The following ATP5PO variants were observed in gnomAD, a reference collection of about 807,000 sequenced individuals.
The protein encoded by ATP5PO is ATP synthase peripheral stalk subunit OSCP.
ATP5PO carries 14 observed loss-of-function variants against 26.2 expected under a neutral mutation model. That is an observed-to-expected ratio of 0.53 (90% CI 0.35 to 0.83). The LOEUF (loss-of-function observed/expected upper bound fraction) is 0.83, where lower values mean the gene tolerates loss of function less well. ATP5PO is among the 40% of genes least tolerant of loss of function. The pLI is 0.01. For synonymous variants in ATP5PO, 106 were observed against 95.1 expected, an observed-to-expected ratio of 1.12 and a Z score of -0.67; for missense variants, 241 against 258.5, an observed-to-expected ratio of 0.93 and a Z score of 0.46.
In ATP5PO at chr21:33,911,673, T is replaced by TG. The variant is rs1322333992; in HGVS notation, c.198+615_198+616insC. On this transcript the variant is annotated intron_variant, in intron 3 of 6. Coordinates refer to ENST00000290299, the MANE Select transcript of ATP5PO (RefSeq NM_001697.3). ...GCCCATAAGCATAGGTTTTTTTTTT[T>TG]TTTTTTTTTTTTTGAGACGGAGTCT... 1.8e-3 allele frequency among the ~76,000 whole-genome samples: 261 copies of TG among 145,470 alleles called. 1 individual carries two copies. The highest frequency in any genetic ancestry group is 6.3e-3 in the African/African-American group (248 of 39,406).
At chr21:33,914,561 C>G (rs1187074052) in intron 1 of ATP5PO, 61 bp from the exon 2 acceptor site, 27 of 1,506,214 alleles carry the variant, frequency 1.8e-5, no homozygotes, top group Non-Finnish European at 1.5e-5. Context: ...CTGCATTTAA[C>G]TCAATAACAA....
At position 33,915,785 on chromosome 21, in the gene ATP5PO, TC is replaced by T; in HGVS notation, c.-23del. On this transcript the variant is annotated 5_prime_UTR_variant, in exon 1 of 7. Coordinates refer to ENST00000290299, the MANE Select transcript of ATP5PO (RefSeq NM_001697.3). ...CCATCTTCTCCCGGGCGGCTGTAGG[TC>T]AAACCCGAGTGGGAAGAGAGAAACG... is the stretch of plus-strand genomic sequence containing the variant. The T allele has an allele frequency of 6.4e-7, 1 of 1,561,726 alleles. No individual in the cohort carries two copies.
chr21:33,904,098 A>C, intron 5 of ATP5PO, 77 bp from the exon 6 acceptor site: 1 of 1,314,236 alleles, frequency 7.6e-7, no homozygotes. Flanking sequence ...CCAGGCCCAC[A>C]TCACCAAGAC....
intron 4 of ATP5PO, among the ~76,000 whole-genome samples, chr21:33,908,103 G>C (rs1345810978): frequency 6.6e-6 from 1 of 150,640 alleles, no homozygotes; most frequent in African/African-American, 2.4e-5. Flanking sequence ...AGGAGGCAGA[G>C]GTTGCAGTGA....
chr21:33,909,924 C>G (rs1239295245), intron 3 of ATP5PO, among the ~76,000 whole-genome samples: 1 of 152,206 alleles, frequency 6.6e-6, no homozygotes, highest in African/African-American at 2.4e-5. Flanking sequence ...CCGCACCGCT[C>G]CCTTGGAGGG....
Position 33,912,345 on chromosome 21 carries a change from C to CATCAAA in ATP5PO, c.141_142insTTTGAT (p.Ser47_Ala48insPheAsp). The CATCAAA allele has an allele frequency of 6.2e-7, 1 of 1,613,270 alleles. No individual in the cohort carries two copies. The highest frequency in any genetic ancestry group is 8.5e-7 in the Non-Finnish European group (1 of 1,179,628). ...TCCAGCTTATTCTGTTTTGATGCAGCAGAATAAAGAGCTGTGGCATAGCGA... is the reference window on the plus strand; with the variant it reads ...TCCAGCTTATTCTGTTTTGATGCAGCATCAAAAGAATAAAGAGCTGTGGCATAGCGA... On this transcript the variant is annotated inframe_insertion, in exon 3 of 7. Transcript: ENST00000290299.
At position 33,914,585 on chromosome 21, in the gene ATP5PO, A is replaced by C; in HGVS notation, c.37-85T>G. 21 of 1,261,918 alleles carry C rather than the reference A, an allele frequency of 1.7e-5. No individual in the cohort carries two copies. In the South Asian group the frequency reaches 2.7e-4, roughly 16 times the overall value. 78.2% of individuals were successfully genotyped at this position (1,261,918 alleles called of 1,614,324 possible). A position where few individuals can be genotyped will look rare whatever the true frequency, so the allele number is the denominator to read the frequency against. On this transcript the variant is annotated intron_variant, in intron 1 of 6. Transcript: ENST00000290299. ...ACTCAATAACAACAAAAAATTTTAA[A>C]TAACCTTAAAATCATTACTTTTGTC...
intron 2 of ATP5PO, among the ~76,000 whole-genome samples, chr21:33,913,797 C>T (rs1267098353): frequency 6.7e-5 from 10 of 149,196 alleles, no homozygotes; most frequent in African/African-American, 1.2e-4. Flanking sequence ...TTTTTTTTTT[C>T]GAGACAGAGT....
intron 4 of ATP5PO, among the ~76,000 whole-genome samples, chr21:33,907,723 G>A (rs1987192194): frequency 6.6e-6 from 1 of 152,218 alleles, no homozygotes; most frequent in South Asian, 2.1e-4. Context: ...CTACTCAGGA[G>A]GCTGAGGCAG....
intron 5 of ATP5PO, among the ~76,000 whole-genome samples, chr21:33,906,292 G>A (rs1987171898): frequency 6.6e-6 from 1 of 152,168 alleles, no homozygotes; most frequent in Admixed American, 6.5e-5. Context: ...CTGTTTTCCT[G>A]TAGGGTAAGC....
At chr21:33,911,666 T>TG (rs1305473632) in intron 3 of ATP5PO, among the ~76,000 whole-genome samples, 2 of 135,338 alleles carry the variant, frequency 1.5e-5, no homozygotes, top group Admixed American at 1.5e-4. Flanking sequence ...GCATAGGTTT[T>TG]TTTTTTTTTT....
At position 33,906,305 on chromosome 21, in the gene ATP5PO, C is replaced by T. The variant is rs141559614; in HGVS notation, c.441+1036G>A. 1,296 of 221,022 alleles carry T rather than the reference C, an allele frequency of 5.9e-3. 8 individuals are homozygous for T. The highest frequency in any genetic ancestry group is 8.0e-3 in the Non-Finnish European group (875 of 109,902). The allele number at this position is 221,022 out of a possible 1,614,324, so 13.7% of individuals were successfully genotyped here. On this transcript the variant is annotated intron_variant, in intron 5 of 6. Coordinates refer to ENST00000290299, the MANE Select transcript of ATP5PO (RefSeq NM_001697.3). ...CCCTGTTTTCCTGTAGGGTAAGCTACACTACATTTGACTGAGTTACATAGG... is the reference window on the plus strand; with the variant it reads ...CCCTGTTTTCCTGTAGGGTAAGCTATACTACATTTGACTGAGTTACATAGG...
chr21:33,912,188 T>A, intron 3 of ATP5PO, 101 bp downstream of exon 3: 1 of 934,212 alleles, frequency 1.1e-6, no homozygotes, highest in Non-Finnish European at 1.5e-6. Context: ...TTTTTCCCAG[T>A]TTTTTCTTGT....
At chr21:33,904,221 A>T in intron 5 of ATP5PO, among the ~76,000 whole-genome samples, 200 bp from the exon 6 acceptor site, 1 of 152,226 alleles carries the variant, frequency 6.6e-6, no homozygotes, top group East Asian at 1.9e-4. Context: ...CCTGCCTCAC[A>T]GCATCACCCG....
chr21:33,903,470 T>C lies in ATP5PO; in HGVS notation c.*56A>G. On this transcript the variant is annotated 3_prime_UTR_variant, in exon 7 of 7. Coordinates refer to ENST00000290299, the MANE Select transcript of ATP5PO (RefSeq NM_001697.3). ...ACATAATATGATCTGTTCTGGAAGCTTTTTATTGTTGCTCCAAGTTTAAGA... is the reference window on the plus strand; with the variant it reads ...ACATAATATGATCTGTTCTGGAAGCCTTTTATTGTTGCTCCAAGTTTAAGA... The C allele has an allele frequency of 6.8e-7, 1 of 1,478,574 alleles. No individual in the cohort carries two copies. The highest frequency in any genetic ancestry group is 2.3e-5 in the East Asian group (1 of 44,028). The allele number at this position is 1,478,574 out of a possible 1,614,324, so 91.6% of individuals were successfully genotyped here.
At position 33,912,354 on chromosome 21, in the gene ATP5PO, G is replaced by T. The variant is rs1350834987; in HGVS notation, c.133C>A (p.Leu45Ile). The T allele has an allele frequency of 6.2e-7, 1 of 1,613,302 alleles. No homozygotes were observed. The highest frequency in any genetic ancestry group is 1.7e-5 in the Admixed American group (1 of 59,984). The change falls in exon 3 of 7, where the codon CTT becomes ATT. Residue 45 changes from leucine (L) to isoleucine (I), a missense_variant. This residue lies in a region of ATP5PO where 125 missense variants were observed against 108.5 expected (regional missense o/e 1.15). Transcript: ENST00000290299. ...YGIEGRYATA[L>I]YSAASKQNKL... ...TTCTGTTTTGATGCAGCAGAATAAAGAGCTGTGGCATAGCGACCTTCAATA... is the reference window on the plus strand; with the variant it reads ...TTCTGTTTTGATGCAGCAGAATAAATAGCTGTGGCATAGCGACCTTCAATA...
At chr21:33,904,782 C>T (rs1987146847) in intron 5 of ATP5PO, among the ~76,000 whole-genome samples, 1 of 152,150 alleles carries the variant, frequency 6.6e-6, no homozygotes, top group Non-Finnish European at 1.5e-5. Flanking sequence ...GCTCTGTCAC[C>T]CAGGCTGGAG....
intron 5 of ATP5PO, among the ~76,000 whole-genome samples, chr21:33,904,399 G>A (rs75738362): frequency 1.5e-3 from 234 of 152,336 alleles, no homozygotes; most frequent in African/African-American, 5.5e-3. Context: ...CCTCTCCTGG[G>A]TGCAGCCCTG....
In ATP5PO at chr21:33,909,202, T is replaced by C; in HGVS notation, c.208A>G (p.Lys70Glu). The C allele has an allele frequency of 6.2e-7, 1 of 1,612,332 alleles. No homozygotes were observed. Among genetic ancestry groups the C allele is most frequent in the Non-Finnish European group, 8.5e-7 (1 of 1,179,486 alleles). The change falls in exon 4 of 7, where the codon AAG becomes GAG. Residue 70 changes from lysine to glutamate, a missense_variant. Transcript: ENST00000290299. ...ACAGAAGCAGCCACTTTGGGTTCCT[T>C]CAGGATTTGCTGAAAGCATCAAAAA... ...KELLRVAQILKEPKVAASVLN... is the reference protein window; with the variant it reads ...KELLRVAQILEEPKVAASVLN...
Sources: gnomAD v4.1 joint callset for allele counts (sites outside exome capture counted in the v4.1 genomes callset) on GRCh38, gnomAD v4.1.1 for gene constraint, gnomAD v4.1.1 regional missense constraint, MANE v1.5 for transcripts, NCBI Gene and HGNC (gene_info 2026-07-23, HGNC 2026-07-21) for gene names.